Variants in CDH23 observed in about 807,000 individuals in gnomAD.
CDH23 encodes cadherin-23.
Under a neutral mutation model 317.1 loss-of-function variants are expected in CDH23, and 189 were observed. The observed-to-expected ratio is 0.60, with a 90% CI of 0.53 to 0.67. CDH23 has a LOEUF of 0.67. Ranked by LOEUF, CDH23 falls within the 30% of genes least tolerant of loss-of-function variation. The probability of loss-of-function intolerance (pLI) is 0.00; values close to 1 mark genes in which losing one functional copy is unlikely to be tolerated. For missense variants in CDH23, 4,401 were observed against 4,592.4 expected, an observed-to-expected ratio of 0.96 and a Z score of 1.20; for synonymous variants, 1,839 against 1,876.8, an observed-to-expected ratio of 0.98 and a Z score of 0.52.
At chr10:71,794,679 A>G (rs1252186303) in intron 48 of CDH23, 1 of 152,224 alleles carries the variant, frequency 6.6e-6, no homozygotes, top group Non-Finnish European at 1.5e-5. Flanking sequence ...GATGCTGGAC[A>G]ATGTTGATAT....
chr10:71,511,220 C>A lies in CDH23; in HGVS notation c.429+8C>A. 6.2e-7 allele frequency: 1 copy of A among 1,612,086 alleles called. No homozygotes were observed. Among genetic ancestry groups the A allele is most frequent in the Non-Finnish European group, 8.5e-7 (1 of 1,178,322 alleles). ...AGCGTCCGCATCCCTGAGGTAGGAG[C>A]CACTGGGGTTACCCTTGAGGGTATC... On this transcript the variant is annotated splice_region_variant and intron_variant, in intron 6 of 69. Coordinates refer to ENST00000224721, the MANE Select transcript of CDH23 (RefSeq NM_022124.6).
At chr10:71,595,325 C>T (rs1466022430) in intron 9 of CDH23, among the ~76,000 whole-genome samples, 1 of 152,104 alleles carries the variant, frequency 6.6e-6, no homozygotes, top group Non-Finnish European at 1.5e-5. Flanking sequence ...AGCGATCTTT[C>T]TGTATCCCTC....
chr10:71,609,512 G>A (rs990314075), intron 9 of CDH23, among the ~76,000 whole-genome samples: 1 of 152,186 alleles, frequency 6.6e-6, no homozygotes, highest in Non-Finnish European at 1.5e-5. Context: ...TGAAGACCCA[G>A]TCAGTGGCCT....
At chr10:71,783,875 T>G (rs78811240) in intron 41 of CDH23, among the ~76,000 whole-genome samples, 8,673 of 152,286 alleles carry the variant, frequency 0.057, 313 homozygotes, top group South Asian at 0.084. Flanking sequence ...CCATGGCATG[T>G]GGGATGGATC....
At chr10:71,759,834 C>CATAT (rs1840255566) in intron 38 of CDH23, among the ~76,000 whole-genome samples, 1 of 69,622 alleles carries the variant, frequency 1.4e-5, no homozygotes, top group East Asian at 3.8e-4. Flanking sequence ...CACACACACA[C>CATAT]ACACACACAC....
At chr10:71,673,864 G>GCCC (rs1449269619) in intron 14 of CDH23, among the ~76,000 whole-genome samples, 1 of 152,208 alleles carries the variant, frequency 6.6e-6, no homozygotes, top group Non-Finnish European at 1.5e-5. Flanking sequence ...AGTGGGAGAG[G>GCCC]CCCCGTCCAG....
At chr10:71,411,007 C>G (rs1281740143) in intron 1 of CDH23, among the ~76,000 whole-genome samples, 1 of 152,132 alleles carries the variant, frequency 6.6e-6, no homozygotes, top group Non-Finnish European at 1.5e-5. Context: ...ATCCTTTTAC[C>G]AACACAAGCT....
intron 62 of CDH23, 128 bp from the exon 63 acceptor site, chr10:71,811,187 C>A: frequency 1.5e-6 from 2 of 1,372,970 alleles, no homozygotes; most frequent in Non-Finnish European, 1.0e-6. Context: ...GCTGTCCCAG[C>A]CGGTGGACCT....
At chr10:71,411,534 T>TATGATTATG (rs1410809570) in intron 1 of CDH23, among the ~76,000 whole-genome samples, 2 of 152,178 alleles carry the variant, frequency 1.3e-5, no homozygotes, top group Non-Finnish European at 2.9e-5. Flanking sequence ...TAAAAACATA[T>TATGATTATG]ATGATTATGT....
At chr10:71,762,363 G>A (rs959092414) in intron 38 of CDH23, among the ~76,000 whole-genome samples, 43 of 152,204 alleles carry the variant, frequency 2.8e-4, no homozygotes, top group African/African-American at 9.9e-4. Flanking sequence ...TGGGGAGCAG[G>A]AAGGCTGTTT....
intron 38 of CDH23, among the ~76,000 whole-genome samples, chr10:71,754,009 C>T (rs961354620): frequency 1.3e-5 from 2 of 152,224 alleles, no homozygotes; most frequent in East Asian, 3.8e-4. Context: ...GAAATCCACA[C>T]CTGTTGGCCT....
At chr10:71,741,976 T>C (rs2132848414) in intron 38 of CDH23, 55 bp downstream of exon 38, 1 of 1,381,268 alleles carries the variant, frequency 7.2e-7, no homozygotes, top group Non-Finnish European at 9.9e-7. Flanking sequence ...CAGCTCCGCC[T>C]CCGAGTGAGG....
At chr10:71,420,409 G>C in intron 1 of CDH23, among the ~76,000 whole-genome samples, 1 of 145,878 alleles carries the variant, frequency 6.9e-6, no homozygotes, top group Non-Finnish European at 1.5e-5. Flanking sequence ...TGATGGTGAT[G>C]ATGATGGTGA....
intron 1 of CDH23, among the ~76,000 whole-genome samples, chr10:71,439,471 G>A (rs1190583307): frequency 6.6e-6 from 1 of 152,078 alleles, no homozygotes; most frequent in Non-Finnish European, 1.5e-5. Context: ...CCTGGAGGCT[G>A]AAGGCAGCAG....
intron 3 of CDH23, among the ~76,000 whole-genome samples, chr10:71,498,111 C>T (rs559298292): frequency 3.0e-4 from 46 of 152,334 alleles, no homozygotes; most frequent in African/African-American, 1.1e-3. Flanking sequence ...CCAGCCCCTT[C>T]GTAGTGTCAG....
chr10:71,438,578 A>G (rs954197163), intron 1 of CDH23, among the ~76,000 whole-genome samples: 1 of 152,150 alleles, frequency 6.6e-6, no homozygotes, highest in Non-Finnish European at 1.5e-5. Flanking sequence ...CTCCAAGTCC[A>G]GAATTAAGGG....
rs3059687 is a variant in CDH23, at chr10:71,515,357, T to TTCTCTCTCTCTCTCTCTCTC, written c.429+4164_429+4183dup. Among the ~76,000 whole-genome samples the TTCTCTCTCTCTCTCTCTCTC allele has an allele frequency of 1.5e-4, 19 of 126,264 alleles. No individual in the cohort carries two copies. The East Asian group carries it at 3.2e-3, about 21-fold the overall frequency. The allele number at this position is 126,264 out of a possible 152,430, so 82.8% of individuals were successfully genotyped here. On this transcript the variant is annotated intron_variant, in intron 6 of 69. Transcript: ENST00000224721. ...TCAATGGCAATGGATACCTGTCTGT[T>TTCTCTCTCTCTCTCTCTCTC]TCTCTCTCTCTCTCTCTCTCTCTCT...
chr10:71,457,355 G>A (rs897971255), intron 3 of CDH23, among the ~76,000 whole-genome samples: 18 of 152,154 alleles, frequency 1.2e-4, no homozygotes, highest in African/African-American at 1.2e-4. Context: ...GTTCTAGTAC[G>A]ATCACCTTGT....
At chr10:71,631,855 G>A (rs533348224) in intron 11 of CDH23, among the ~76,000 whole-genome samples, 5 of 152,318 alleles carry the variant, frequency 3.3e-5, no homozygotes, top group South Asian at 2.1e-4. Flanking sequence ...GAGAATCAGA[G>A]GAATCTCAAA....
Sources: allele counts gnomAD v4.1 joint callset (sites outside exome capture counted in the v4.1 genomes callset), GRCh38; gene constraint gnomAD v4.1.1; transcripts MANE v1.5; gene names NCBI Gene and HGNC (gene_info 2026-07-23, HGNC 2026-07-21).